Variants in GOLM1 observed in about 807,000 individuals in gnomAD.
GOLM1 encodes golgi membrane protein 1, also known as epididymis luminal protein 46.
GOLM1 carries 31 observed loss-of-function variants against 50.5 expected under a neutral mutation model. The observed-to-expected ratio is 0.61, with a 90% CI of 0.46 to 0.83. The LOEUF (loss-of-function observed/expected upper bound fraction) is 0.83, where lower values mean the gene tolerates loss of function less well. Among genes scored for constraint, GOLM1 ranks in the 40% least tolerant of loss-of-function variants. The pLI is 0.00. For synonymous variants in GOLM1, 178 were observed against 192.8 expected (o/e 0.92, Z 0.64); for missense variants, 491 against 501.3 (o/e 0.98, Z 0.20).
intron 1 of GOLM1, among the ~76,000 whole-genome samples, chr9:86,091,827 T>A (rs1166045174): frequency 6.6e-6 from 1 of 152,244 alleles, no homozygotes; most frequent in East Asian, 1.9e-4. Flanking sequence ...CATTCTCACT[T>A]CAAGGGAAGT....
intron 3 of GOLM1, among the ~76,000 whole-genome samples, chr9:86,054,006 T>G (rs1259032931): frequency 6.6e-6 from 1 of 152,122 alleles, no homozygotes; most frequent in Non-Finnish European, 1.5e-5. Context: ...GACCTCTCGA[T>G]GCACTTTAAC....
chr9:86,070,556 G>C (rs1331690254), intron 3 of GOLM1, among the ~76,000 whole-genome samples: 3 of 151,094 alleles, frequency 2.0e-5, no homozygotes, highest in Non-Finnish European at 4.4e-5. Flanking sequence ...GGGCGACAGA[G>C]CGAGACTCCA....
At chr9:86,052,635 T>A in intron 3 of GOLM1, 44 bp from the exon 4 acceptor site, 1 of 1,543,530 alleles carries the variant, frequency 6.5e-7, no homozygotes, top group Non-Finnish European at 9.0e-7. Flanking sequence ...AACCAACACC[T>A]CAGCCTGACA....
chr9:86,047,560 G>A (rs1180878615), intron 4 of GOLM1, among the ~76,000 whole-genome samples: 2 of 152,170 alleles, frequency 1.3e-5, no homozygotes, highest in East Asian at 3.8e-4. Context: ...CAGGGCATGG[G>A]TGGGGGGTCC....
In GOLM1 at chr9:86,077,607, G is replaced by A; in HGVS notation, c.130-16C>T. 1 of 1,602,626 alleles carries A rather than the reference G, an allele frequency of 6.2e-7. No individual in the cohort carries two copies. The highest frequency in any genetic ancestry group is 8.5e-7 in the Non-Finnish European group (1 of 1,170,840). ...TGATCCGTGTCTACAAGGAGACCGT[G>A]GCATTAGGGCTGATGCCAAGTTACC... On this transcript the variant is annotated splice_polypyrimidine_tract_variant and intron_variant, in intron 2 of 9. Coordinates refer to ENST00000388712, the MANE Select transcript of GOLM1 (RefSeq NM_016548.4).
intron 9 of GOLM1, 125 bp from the exon 10 acceptor site, chr9:86,028,018 C>A: frequency 1.6e-6 from 1 of 613,124 alleles, no homozygotes; most frequent in Non-Finnish European, 2.9e-6. Flanking sequence ...CACAGCAACA[C>A]TGTAATTGGG....
At chr9:86,034,567 C>T (rs1028220577) in intron 8 of GOLM1, among the ~76,000 whole-genome samples, 1 of 152,210 alleles carries the variant, frequency 6.6e-6, no homozygotes, top group African/African-American at 2.4e-5. Context: ...GAGCACGGAA[C>T]ACAAGGACAG....
At chr9:86,079,101 G>C in intron 2 of GOLM1, 91 bp downstream of exon 2, 2 of 1,184,020 alleles carry the variant, frequency 1.7e-6, no homozygotes, top group South Asian at 1.7e-5. Flanking sequence ...GCCCTGGCTG[G>C]CAATAAACAA....
chr9:86,043,104 C>T (rs1833412035), intron 5 of GOLM1, among the ~76,000 whole-genome samples: 1 of 152,120 alleles, frequency 6.6e-6, no homozygotes, highest in African/African-American at 2.4e-5. Flanking sequence ...CCCAGGGCAC[C>T]GACCATCACT....
rs1834714903 is a variant in GOLM1, at chr9:86,079,229, T to C, written c.92A>G (p.Asn31Ser). Residue 31 changes from asparagine (N) to serine (S), a missense_variant, in exon 2 of 10, where the codon AAC becomes AGC. Transcript: ENST00000388712. ...GCTCCGGGAGCTCGCAATCCAGTAG[T>C]TGAAGCCCAAGACGATGATGCAGGC... is the stretch of plus-strand genomic sequence containing the variant. ...LVACIIVLGF[N>S]YWIASSRSVD... 6.8e-6 allele frequency: 11 copies of C among 1,608,040 alleles called. No individual in the cohort carries two copies. The highest frequency in any genetic ancestry group is 9.4e-6 in the Non-Finnish European group (11 of 1,176,260).
chr9:86,035,318 G>C, intron 8 of GOLM1, 50 bp downstream of exon 8: 1 of 1,590,828 alleles, frequency 6.3e-7, no homozygotes. Context: ...AGGTGGGCTG[G>C]GTGTCTGGTG....
Position 86,099,524 on chromosome 9 carries a change from CCCAGCGCCTCCGCGT to C in GOLM1, c.-150_-136del, listed in dbSNP as rs892180982. ...GCTCCGGCCGGCTCCGCGCCGTGCG[CCCAGCGCCTCCGCGT>C]CCAGCGCCGCCGCGTCTCCGGCCTC... On this transcript the variant is annotated 5_prime_UTR_variant, in exon 1 of 10. Coordinates refer to ENST00000388712, the MANE Select transcript of GOLM1 (RefSeq NM_016548.4). The C allele has an allele frequency of 6.7e-6, 1 of 148,976 alleles. No homozygotes were observed. Among genetic ancestry groups the C allele is most frequent in the Non-Finnish European group, 1.5e-5 (1 of 66,888 alleles). 9.2% of individuals were successfully genotyped at this position (148,976 alleles called of 1,614,324 possible).
At chr9:86,068,369 C>T (rs920853401) in intron 3 of GOLM1, among the ~76,000 whole-genome samples, 11 of 152,304 alleles carry the variant, frequency 7.2e-5, no homozygotes, top group South Asian at 2.1e-4. Context: ...TTAATTTGTA[C>T]GCAGCCCTAG....
chr9:86,045,805 G>GCTC (rs1833521121), intron 5 of GOLM1, among the ~76,000 whole-genome samples: 2 of 152,136 alleles, frequency 1.3e-5, no homozygotes, highest in Non-Finnish European at 2.9e-5. Context: ...ATGGACTGGA[G>GCTC]AGAGGTAAGT....
intron 9 of GOLM1, among the ~76,000 whole-genome samples, chr9:86,031,140 G>A (rs893488583): frequency 6.6e-6 from 1 of 151,976 alleles, no homozygotes; most frequent in Non-Finnish European, 1.5e-5. Context: ...AACCCGGGAG[G>A]CAGAGGTTGC....
Position 86,063,449 on chromosome 9 carries a change from C to T in GOLM1, c.310-10858G>A, listed in dbSNP as rs558810689. Among the ~76,000 whole-genome samples the T allele has an allele frequency of 3.9e-5, 6 of 152,134 alleles. No individual in the cohort carries two copies. The South Asian group carries it at 1.0e-3, about 26-fold the overall frequency. ...GACTTTCTGCAGACAGGTAAAAAGG[C>T]GTACACAGACCTTTGGGGATGAAAG... On this transcript the variant is annotated intron_variant, in intron 3 of 9. Coordinates refer to ENST00000388712, the MANE Select transcript of GOLM1 (RefSeq NM_016548.4).
intron 6 of GOLM1, chr9:86,036,924 A>G (rs1242363461): frequency 5.9e-6 from 1 of 170,074 alleles, no homozygotes; most frequent in East Asian, 1.8e-4. Flanking sequence ...TCCAGGATGG[A>G]CAAATGGCAG....
At chr9:86,053,588 A>C (rs1833868162) in intron 3 of GOLM1, among the ~76,000 whole-genome samples, 3 of 1,364 alleles carry the variant, frequency 2.2e-3, no homozygotes, top group African/African-American at 5.5e-3. Context: ...ACCACACACC[A>C]CACCACTCCA....
intron 1 of GOLM1, among the ~76,000 whole-genome samples, chr9:86,082,308 G>A (rs940209515): frequency 4.0e-5 from 6 of 151,790 alleles, no homozygotes; most frequent in African/African-American, 1.5e-4. Context: ...TTACAGGCAT[G>A]AGCCACCGTG....
Sources: gnomAD v4.1 joint callset for allele counts (sites outside exome capture counted in the v4.1 genomes callset) on GRCh38, gnomAD v4.1.1 for gene constraint, MANE v1.5 for transcripts, NCBI Gene and HGNC (gene_info 2026-07-23, HGNC 2026-07-21) for gene names.